Variants in GPC3 observed in about 807,000 individuals in gnomAD.
The protein encoded by GPC3 is glypican-3.
In GPC3, 3 loss-of-function variants were observed where a neutral mutation model predicts 34.4. That is an observed-to-expected ratio of 0.09 (90% CI 0.04 to 0.23). GPC3 has a LOEUF of 0.23. GPC3 is among the 10% of genes least tolerant of loss of function. The pLI is 1.00. For synonymous variants in GPC3, 177 were observed against 174.0 expected, an observed-to-expected ratio of 1.02 and a Z score of -0.13; for missense variants, 351 against 445.6, an observed-to-expected ratio of 0.79 and a Z score of 1.91.
chrX:133,942,400 G>T (rs983561211), intron 2 of GPC3, among the ~76,000 whole-genome samples: 4 of 111,406 alleles, frequency 3.6e-5, no homozygotes, highest in African/African-American at 1.3e-4. Context: ...AGAGAGGGTT[G>T]GATTAATAAC....
chrX:133,543,999 G>A (rs1292890214), intron 7 of GPC3, among the ~76,000 whole-genome samples: 1 of 111,937 alleles, frequency 8.9e-6, no homozygotes, highest in South Asian at 3.7e-4. Flanking sequence ...GGTAGGCCAA[G>A]GGGGATGGGT....
intron 3 of GPC3, among the ~76,000 whole-genome samples, chrX:133,752,605 C>T (rs1336643882): frequency 9.0e-6 from 1 of 111,584 alleles, no homozygotes; most frequent in African/African-American, 3.3e-5. Flanking sequence ...GCTACATGTT[C>T]TGCTATATAT....
chrX:133,624,813 A>G lies in GPC3; in HGVS notation c.1414-28214T>C, dbSNP rs181543519. On this transcript the variant is annotated intron_variant, in intron 6 of 7. Coordinates refer to ENST00000370818, the MANE Select transcript of GPC3 (RefSeq NM_004484.4). ...GGAATCCTCCCTAACTCATTTTATG[A>G]GGCCAGTAGTCTCCTGATACCAAAG... 4.8e-4 allele frequency among the ~76,000 whole-genome samples: 53 copies of G among 111,146 alleles called. No individual in the cohort carries two copies. In the Admixed American group the frequency reaches 4.8e-3, roughly 10 times the overall value.
chrX:133,632,006 G>A (rs1381258805), intron 6 of GPC3, among the ~76,000 whole-genome samples: 1 of 111,222 alleles, frequency 9.0e-6, no homozygotes. Context: ...GTGTGTGCAT[G>A]CATGCTGTAT....
chrX:133,959,206 C>T (rs1171488459), intron 1 of GPC3, among the ~76,000 whole-genome samples: 1 of 111,663 alleles, frequency 9.0e-6, no homozygotes, highest in Non-Finnish European at 1.9e-5. Context: ...CCTTTGGGCC[C>T]ACTTCTCGCT....
chrX:133,977,844 A>C (rs1431088235), intron 1 of GPC3, among the ~76,000 whole-genome samples: 19 of 112,320 alleles, frequency 1.7e-4, no homozygotes, highest in Non-Finnish European at 3.8e-5. Context: ...TGCAGACAGA[A>C]ATTAAGAGAA....
intron 5 of GPC3, among the ~76,000 whole-genome samples, chrX:133,683,802 CT>C (rs2070969501): frequency 8.9e-6 from 1 of 112,012 alleles, no homozygotes; most frequent in African/African-American, 3.2e-5. Context: ...ACACCATAAT[CT>C]TAAGGGATAA....
chrX:133,961,422 G>A (rs918252560), intron 1 of GPC3, among the ~76,000 whole-genome samples: 25 of 111,709 alleles, frequency 2.2e-4, no homozygotes, highest in African/African-American at 7.8e-4. Flanking sequence ...TCAATTAACT[G>A]CCTATCATTT....
chrX:133,932,841 C>A lies in GPC3; in HGVS notation c.337+20209G>T, dbSNP rs192013001. ...CTATTAATGGACCCCAGTTAAGAAC[C>A]AATGTGCCAGTCTCTTCATCTCTTT... On this transcript the variant is annotated intron_variant, in intron 2 of 7. Coordinates refer to ENST00000370818, the MANE Select transcript of GPC3 (RefSeq NM_004484.4). 3.9e-3 allele frequency among the ~76,000 whole-genome samples: 439 copies of A among 111,202 alleles called. 1 individual carries two copies. Among genetic ancestry groups the A allele is most frequent in the African/African-American group, 0.014 (416 of 30,617 alleles).
chrX:133,958,737 C>T (rs866771658), intron 1 of GPC3, among the ~76,000 whole-genome samples: 48 of 87,499 alleles, frequency 5.5e-4, no homozygotes, highest in African/African-American at 2.0e-3. Flanking sequence ...AAAAAAAAAA[C>T]AGCCAGGCAA....
At chrX:133,900,988 G>T (rs2076141551) in intron 2 of GPC3, among the ~76,000 whole-genome samples, 1 of 111,960 alleles carries the variant, frequency 8.9e-6, no homozygotes, top group Non-Finnish European at 1.9e-5. Context: ...TGCTCATAAA[G>T]AAAACCACAT....
At chrX:133,565,195 T>C (rs988628309) in intron 7 of GPC3, among the ~76,000 whole-genome samples, 1 of 111,832 alleles carries the variant, frequency 8.9e-6, no homozygotes, top group African/African-American at 3.3e-5. Flanking sequence ...AACTGTTGCA[T>C]CTTTAATACC....
chrX:133,577,889 G>A (rs1274762533), intron 7 of GPC3, among the ~76,000 whole-genome samples: 1 of 111,564 alleles, frequency 9.0e-6, no homozygotes, highest in Non-Finnish European at 1.9e-5. Flanking sequence ...AAATGACTCA[G>A]GTGTGGGTTT....
chrX:133,975,680 A>G (rs1165973402), intron 1 of GPC3, among the ~76,000 whole-genome samples: 5 of 112,318 alleles, frequency 4.5e-5, no homozygotes, highest in Non-Finnish European at 9.4e-5. Flanking sequence ...GCTGGCAGTG[A>G]TTTTATCTTG....
intron 3 of GPC3, among the ~76,000 whole-genome samples, chrX:133,701,166 A>AT (rs1365705213): frequency 2.7e-5 from 3 of 110,931 alleles, no homozygotes; most frequent in Non-Finnish European, 5.7e-5. Flanking sequence ...ATTCTACTTG[A>AT]TTTTTTTGGT....
At chrX:133,737,022 T>C (rs968441093) in intron 3 of GPC3, among the ~76,000 whole-genome samples, 1 of 112,126 alleles carries the variant, frequency 8.9e-6, no homozygotes, top group African/African-American at 3.2e-5. Context: ...AAACAAATAT[T>C]ATTCAACACT....
intron 7 of GPC3, among the ~76,000 whole-genome samples, chrX:133,586,346 G>A (rs979148142): frequency 9.9e-5 from 11 of 111,674 alleles, no homozygotes; most frequent in Non-Finnish European, 1.7e-4. Flanking sequence ...TCTAGGGTGA[G>A]CTGGGATTGG....
At chrX:133,701,484 G>A (rs933463760) in intron 3 of GPC3, among the ~76,000 whole-genome samples, 1 of 111,993 alleles carries the variant, frequency 8.9e-6, no homozygotes, top group East Asian at 2.8e-4. Flanking sequence ...ATTCTCCATT[G>A]TAGAAAAATA....
intron 1 of GPC3, among the ~76,000 whole-genome samples, chrX:133,957,846 A>T (rs925739208): frequency 9.3e-5 from 10 of 107,806 alleles, no homozygotes; most frequent in South Asian, 4.0e-4. Context: ...TATTATTATT[A>T]TTTTTTTTTT....
Sources: allele counts gnomAD v4.1 joint callset (sites outside exome capture counted in the v4.1 genomes callset), GRCh38; gene constraint gnomAD v4.1.1; transcripts MANE v1.5; gene names NCBI Gene and HGNC (gene_info 2026-07-23, HGNC 2026-07-21).